The following GPR61 variants were observed in gnomAD, a reference collection of about 807,000 sequenced individuals.
GPR61 encodes G-protein coupled receptor 61.
Under a neutral mutation model 29.2 loss-of-function variants are expected in GPR61, and 15 were observed. The ratio of observed to expected loss-of-function variants is 0.51; its 90% confidence interval spans 0.34 to 0.79. GPR61 has a LOEUF of 0.79. Among genes scored for constraint, GPR61 ranks in the 30% least tolerant of loss-of-function variants. The pLI, the probability that GPR61 is intolerant of heterozygous loss-of-function variation, is 0.01. For missense variants in GPR61, 399 were observed against 582.5 expected (o/e 0.69, Z 3.24); for synonymous variants, 238 against 242.3 (o/e 0.98, Z 0.17).
chr1:109,543,336 T>A lies in GPR61; in HGVS notation c.314T>A (p.Phe105Tyr). Residue 105 changes from phenylalanine to tyrosine, a missense_variant, in exon 2 of 2, where the codon TTT (phenylalanine) becomes TAT (tyrosine). Around this residue, in one of 3 missense-constraint regions of GPR61, gnomAD observed 320 missense variants for 459.8 expected, o/e 0.70. Transcript: ENST00000527748. This position sits in a 1 kb window ranked among gnomAD's most constrained non-coding sequence, Gnocchi z 6.8. ...GCCATGCTCTCCAGCTCTGCCCTCT[T>A]TGACCACGCCCTCTTTGGGGAGGTG... Reference protein sequence around the residue: ...PLAMLSSSALFDHALFGEVAC... With the variant: ...PLAMLSSSALYDHALFGEVAC... 1 of 1,613,772 alleles carries A rather than the reference T, an allele frequency of 6.2e-7. No individual in the cohort carries two copies. The highest frequency in any genetic ancestry group is 8.5e-7 in the Non-Finnish European group (1 of 1,179,986).
Position 109,543,921 on chromosome 1 carries a change from G to T in GPR61, c.899G>T (p.Trp300Leu), listed in dbSNP as rs1385981827. Residue 300 changes from tryptophan to leucine, a missense_variant, in exon 2 of 2, where the codon TGG becomes TTG. Trp to Leu is a moderately conservative substitution (Grantham distance 61, BLOSUM62 -2). This residue lies in a region of GPR61 where 320 missense variants were observed against 459.8 expected (regional missense o/e 0.70). Transcript: ENST00000527748. The surrounding 1 kb of genome is among the most constrained non-coding windows in gnomAD (Gnocchi z 6.8). Reference protein sequence around the residue: ...LAVGGQFLLCWLPYFSFHLYV... With the variant: ...LAVGGQFLLCLLPYFSFHLYV... ...GTGGGGGGACAGTTCCTGCTCTGTT[G>T]GTTGCCCTACTTCTCTTTCCACCTC... is the stretch of plus-strand genomic sequence containing the variant. 6.2e-7 allele frequency: 1 copy of T among 1,614,062 alleles called. No individual in the cohort carries two copies. Among genetic ancestry groups the T allele is most frequent in the Admixed American group, 1.7e-5 (1 of 60,032 alleles).
Position 109,544,070 on chromosome 1 carries a change from G to A in GPR61, c.1048G>A (p.Gly350Arg), listed in dbSNP as rs765711820. Residue 350 changes from glycine to arginine, a missense_variant, in exon 2 of 2, where the codon GGG (glycine) becomes AGG (arginine). Around this residue, in one of 3 missense-constraint regions of GPR61, gnomAD observed 320 missense variants for 459.8 expected, o/e 0.70. Transcript: ENST00000527748. The surrounding 1 kb of genome is among the most constrained non-coding windows in gnomAD (Gnocchi z 4.6). ...FYGCLNRQIR[G>R]ELSKQFVCFF... The stretch of plus-strand genomic sequence containing the variant: ...TGGATGTCTCAACCGGCAGATCCGG[G>A]GGGAGCTCAGCAAGCAGTTTGTCTG... The A allele has an allele frequency of 1.9e-6, 3 of 1,614,030 alleles. No individual in the cohort carries two copies. The highest frequency in any genetic ancestry group is 2.5e-6 in the Non-Finnish European group (3 of 1,180,032).
At position 109,543,044 on chromosome 1, in the gene GPR61, C is replaced by G. The variant is rs762458200; in HGVS notation, c.22C>G (p.Gln8Glu). The change falls in exon 2 of 2, where the codon CAG becomes GAG. Residue 8 changes from glutamine to glutamate, a missense_variant. Transcript: ENST00000527748. The surrounding 1 kb of genome is among the most constrained non-coding windows in gnomAD (Gnocchi z 6.8). MESSPIPQSSGNSSTLGR... is the reference protein window; with the variant it reads MESSPIPESSGNSSTLGR... ...CCCCATGGAGTCCTCACCCATCCCC[C>G]AGTCATCAGGGAACTCTTCCACTTT... 4 of 1,547,384 alleles carry G rather than the reference C, an allele frequency of 2.6e-6. No individual in the cohort carries two copies. The Admixed American group carries it at 7.7e-5, about 30-fold the overall frequency.
intron 1 of GPR61, among the ~76,000 whole-genome samples, chr1:109,542,050 T>C (rs1051330749): frequency 1.3e-5 from 2 of 152,186 alleles, no homozygotes; most frequent in Admixed American, 6.5e-5. Flanking sequence ...ATGCCTATTA[T>C]AGTCCAGCCG....
At position 109,546,030 on chromosome 1, in the gene GPR61, T is replaced by G. The variant is rs1389344438; in HGVS notation, c.*1652T>G. 6.6e-6 allele frequency: 1 copy of G among 152,172 alleles called. No homozygotes were observed. The highest frequency in any genetic ancestry group is 1.5e-5 in the Non-Finnish European group (1 of 68,032). The allele number at this position is 152,172 out of a possible 1,614,324, so 9.4% of individuals were successfully genotyped here. ...CTACAGAATGTGCTTGAGAAATATA[T>G]TGGAGAATATGTCCATGGCTCTAAC... On this transcript the variant is annotated 3_prime_UTR_variant, in exon 2 of 2. Transcript: ENST00000527748.
intron 1 of GPR61, among the ~76,000 whole-genome samples, chr1:109,540,510 G>GC (rs1164351082): frequency 6.6e-6 from 1 of 152,194 alleles, no homozygotes; most frequent in Admixed American, 6.5e-5. Context: ...ACTTGACCAT[G>GC]CCCCTGCTAG....
rs1364469662 is a variant in GPR61 at position 109,546,302 on chromosome 1, G to A, written c.*1924G>A. 6.6e-6 allele frequency: 1 copy of A among 152,168 alleles called. No homozygotes were observed. Among genetic ancestry groups the A allele is most frequent in the Non-Finnish European group, 1.5e-5 (1 of 68,044 alleles). 9.4% of individuals were successfully genotyped at this position (152,168 alleles called of 1,614,324 possible). On this transcript the variant is annotated 3_prime_UTR_variant, in exon 2 of 2. Transcript: ENST00000527748. ...AAAAACATAGTATATATAGGGAGGA[G>A]AGTCCTTTGTGATTGAAAAACATGT...
chr1:109,543,730 C>T lies in GPR61; in HGVS notation c.708C>T (p.Arg236=), dbSNP rs145896093. Residue 236 remains arginine, a synonymous_variant, in exon 2 of 2, where the codon CGC becomes CGT. Transcript: ENST00000527748. The surrounding 1 kb of genome is among the most constrained non-coding windows in gnomAD (Gnocchi z 6.8). ...ACTGCAGCATGTTCCGAGTGGCCCG[C>T]GTGGCTGCCATGCAGCACGGGCCGC... ...VVYCSMFRVA[R]VAAMQHGPLP... 9.3e-6 allele frequency: 15 copies of T among 1,613,204 alleles called. No individual in the cohort carries two copies. Among genetic ancestry groups the T allele is most frequent in the Non-Finnish European group, 1.1e-5 (13 of 1,180,042 alleles).
chr1:109,544,510 T>C lies in GPR61; in HGVS notation c.*132T>C, dbSNP rs537369331. 3.3e-5 allele frequency: 22 copies of C among 675,344 alleles called. No homozygotes were observed. Among genetic ancestry groups the C allele is most frequent in the African/African-American group, 3.1e-4 (17 of 55,178 alleles). The allele number at this position is 675,344 out of a possible 1,614,324, so 41.8% of individuals were successfully genotyped here. On this transcript the variant is annotated 3_prime_UTR_variant, in exon 2 of 2. Transcript: ENST00000527748. This position sits in a 1 kb window ranked among gnomAD's most constrained non-coding sequence, Gnocchi z 4.6. ...CTCTGCACACAGCTTTTGCTTAGTG[T>C]TTCCTGGGTCAGGAACAGAGCCAAC...
In GPR61 at chr1:109,544,219, C is replaced by T. The variant is rs1284429487; in HGVS notation, c.1197C>T (p.Pro399=). 7.4e-6 allele frequency: 12 copies of T among 1,613,984 alleles called. No homozygotes were observed. The highest frequency in any genetic ancestry group is 8.5e-7 in the Non-Finnish European group (1 of 1,180,032). Reference sequence around the variant, plus strand: ...CTTCTGAGTCCTGGGTTTCCCGACCCCTACCCAGCCCCAAGCAGGAGCCAC... The same window carrying T: ...CTTCTGAGTCCTGGGTTTCCCGACCTCTACCCAGCCCCAAGCAGGAGCCAC... ...GCPSESWVSR[P]LPSPKQEPPA... Residue 399 remains proline (P), a synonymous_variant, in exon 2 of 2, where the codon CCC becomes CCT. Transcript: ENST00000527748. This position sits in a 1 kb window ranked among gnomAD's most constrained non-coding sequence, Gnocchi z 4.6.
rs919671819 is a variant in GPR61 at position 109,542,720 on chromosome 1, G to C, written c.-303G>C. On this transcript the variant is annotated 5_prime_UTR_variant, in exon 2 of 2. Coordinates refer to ENST00000527748, the MANE Select transcript of GPR61 (RefSeq NM_001393907.1). ...GGAGATGGAAAAGGAAGAGGTGAAG[G>C]CCATTCCGAAAGCGGAGTGTTGAGT... The C allele has an allele frequency of 6.6e-6, 4 of 601,506 alleles. No individual in the cohort carries two copies. Among genetic ancestry groups the C allele is most frequent in the Non-Finnish European group, 1.2e-5 (4 of 320,534 alleles). 37.3% of individuals were successfully genotyped at this position (601,506 alleles called of 1,614,324 possible). A position where few individuals can be genotyped will look rare whatever the true frequency, so the allele number is the denominator to read the frequency against.
rs186277989 is a variant in GPR61, at chr1:109,542,769, C to T, written c.-254C>T. ...GTGGGTCAGGCTCCTGCACCTCTCA[C>T]GTCTCCTGCTTCTTAGCAGTCACCA... On this transcript the variant is annotated 5_prime_UTR_variant, in exon 2 of 2. The change creates a new upstream start codon in the 5' untranslated region. Coordinates refer to ENST00000527748, the MANE Select transcript of GPR61 (RefSeq NM_001393907.1). The T allele has an allele frequency of 2.0e-3, 1,321 of 675,582 alleles. 11 individuals are homozygous for T. Among genetic ancestry groups the T allele is most frequent in the African/African-American group, 0.019 (1,105 of 56,894 alleles). The allele number at this position is 675,582 out of a possible 1,614,324, so 41.8% of individuals were successfully genotyped here.
Position 109,543,224 on chromosome 1 carries a change from GC to G in GPR61, c.204del (p.Lys69ArgfsTer23). The G allele has an allele frequency of 6.2e-7, 1 of 1,614,122 alleles. No individual in the cohort carries two copies. ...CAATGCCGCTGTGATGGCCGTGATC[GC>G]CAAGACGCCTGCCCTCCGAAAATTT... is the stretch of plus-strand genomic sequence containing the variant. ...AGNAAVMAVI[A>X]KTPALRKFVF... On this transcript the variant is annotated frameshift_variant, in exon 2 of 2. Transcript: ENST00000527748. LOFTEE classifies it high-confidence loss of function. The surrounding 1 kb of genome is among the most constrained non-coding windows in gnomAD (Gnocchi z 6.8).
Position 109,544,270 on chromosome 1 carries a change from C to G in GPR61, c.1248C>G (p.Gly416=), listed in dbSNP as rs367894038. 4 of 1,613,904 alleles carry G rather than the reference C, an allele frequency of 2.5e-6. No homozygotes were observed. In the African/African-American group the frequency reaches 5.3e-5, roughly 22 times the overall value. Residue 416 remains glycine, a synonymous_variant, in exon 2 of 2, where the codon GGC becomes GGG. Transcript: ENST00000527748. This position sits in a 1 kb window ranked among gnomAD's most constrained non-coding sequence, Gnocchi z 4.6. The part of the protein sequence containing the change: ...EPPAVDFRIP[G]QIAEETSEFL... Reference sequence around the variant, plus strand: ...CTGCTGTTGACTTTCGAATCCCAGGCCAGATAGCTGAGGAGACCTCTGAGT... The same window carrying G: ...CTGCTGTTGACTTTCGAATCCCAGGGCAGATAGCTGAGGAGACCTCTGAGT...
At chr1:109,540,373 C>T (rs924502728) in intron 1 of GPR61, among the ~76,000 whole-genome samples, 3 of 152,200 alleles carry the variant, frequency 2.0e-5, no homozygotes, top group African/African-American at 7.2e-5. Flanking sequence ...GGGGCACGCT[C>T]TTGTCTGAAG....
rs201122595 is a variant in GPR61 at position 109,543,748 on chromosome 1, C to G, written c.726C>G (p.His242Gln). ...TGGCCCGCGTGGCTGCCATGCAGCA[C>G]GGGCCGCTGCCCACGTGGATGGAGA... The part of the protein sequence containing the change: ...FRVARVAAMQ[H>Q]GPLPTWMETP... Residue 242 changes from histidine (H) to glutamine (Q), a missense_variant, in exon 2 of 2, where the codon CAC becomes CAG. This residue lies in a region of GPR61 where 320 missense variants were observed against 459.8 expected (regional missense o/e 0.70). Coordinates refer to ENST00000527748, the MANE Select transcript of GPR61 (RefSeq NM_001393907.1). This position sits in a 1 kb window ranked among gnomAD's most constrained non-coding sequence, Gnocchi z 6.8. 6.2e-7 allele frequency: 1 copy of G among 1,613,242 alleles called. No homozygotes were observed. Among genetic ancestry groups the G allele is most frequent in the East Asian group, 2.2e-5 (1 of 44,856 alleles).
chr1:109,544,084 G>A lies in GPR61; in HGVS notation c.1062G>A (p.Lys354=). Residue 354 remains lysine, a synonymous_variant, in exon 2 of 2, where the codon AAG becomes AAA. Transcript: ENST00000527748. The surrounding 1 kb of genome is among the most constrained non-coding windows in gnomAD (Gnocchi z 4.6). Reference sequence around the variant, plus strand: ...GGCAGATCCGGGGGGAGCTCAGCAAGCAGTTTGTCTGCTTCTTCAAGCCAG... The same window carrying A: ...GGCAGATCCGGGGGGAGCTCAGCAAACAGTTTGTCTGCTTCTTCAAGCCAG... ...LNRQIRGELS[K]QFVCFFKPAP... 6.2e-7 allele frequency: 1 copy of A among 1,614,164 alleles called. No individual in the cohort carries two copies. The highest frequency in any genetic ancestry group is 8.5e-7 in the Non-Finnish European group (1 of 1,180,036).
chr1:109,543,934 C>T lies in GPR61; in HGVS notation c.912C>T (p.Phe304=). Residue 304 remains phenylalanine (F), a synonymous_variant, in exon 2 of 2, where the codon TTC becomes TTT. Coordinates refer to ENST00000527748, the MANE Select transcript of GPR61 (RefSeq NM_001393907.1). The surrounding 1 kb of genome is among the most constrained non-coding windows in gnomAD (Gnocchi z 6.8). ...TCCTGCTCTGTTGGTTGCCCTACTT[C>T]TCTTTCCACCTCTATGTTGCCCTGA... The part of the protein sequence containing the change: ...GQFLLCWLPY[F]SFHLYVALSA... 6.2e-7 allele frequency: 1 copy of T among 1,614,198 alleles called. No homozygotes were observed. Among genetic ancestry groups the T allele is most frequent in the Non-Finnish European group, 8.5e-7 (1 of 1,180,040 alleles).
chr1:109,543,783 A>C lies in GPR61; in HGVS notation c.761A>C (p.Gln254Pro). The change falls in exon 2 of 2, where the codon CAA becomes CCA. Residue 254 changes from glutamine to proline, a missense_variant. Transcript: ENST00000527748. The surrounding 1 kb of genome is among the most constrained non-coding windows in gnomAD (Gnocchi z 6.8). ...PLPTWMETPR[Q>P]RSESLSSRST... ...CCCACGTGGATGGAGACACCCCGGC[A>C]ACGCTCCGAATCTCTCAGCAGCCGC... The C allele has an allele frequency of 6.2e-7, 1 of 1,613,346 alleles. No homozygotes were observed. Among genetic ancestry groups the C allele is most frequent in the African/African-American group, 1.3e-5 (1 of 75,032 alleles).
Sources: allele counts gnomAD v4.1 joint callset (sites outside exome capture counted in the v4.1 genomes callset), GRCh38; gene constraint gnomAD v4.1.1; regional missense constraint gnomAD v4.1.1; non-coding constraint Gnocchi (gnomAD v3.1); transcripts MANE v1.5; gene names NCBI Gene and HGNC (gene_info 2026-07-23, HGNC 2026-07-21).